The following SPTBN1 variants were observed in gnomAD, a reference collection of about 807,000 sequenced individuals.
SPTBN1 encodes spectrin beta chain, non-erythrocytic 1.
A neutral mutation model predicts 266.4 loss-of-function variants in SPTBN1; 32 were observed. The observed-to-expected ratio is 0.12, with a 90% CI of 0.09 to 0.16. The LOEUF (loss-of-function observed/expected upper bound fraction) is 0.16, where lower values mean the gene tolerates loss of function less well. Ranked by LOEUF, SPTBN1 falls within the 10% of genes least tolerant of loss-of-function variation. The pLI is 1.00. For synonymous variants in SPTBN1, 1,336 were observed against 1,162.2 expected, an observed-to-expected ratio of 1.15 and a Z score of -3.04; for missense variants, 2,296 against 3,067.1, an observed-to-expected ratio of 0.75 and a Z score of 5.94.
intron 1 of SPTBN1, among the ~76,000 whole-genome samples, chr2:54,467,700 G>C (rs906781959): frequency 6.6e-6 from 1 of 151,938 alleles, no homozygotes. Flanking sequence ...TGTTTTTATA[G>C]TGATTACAAT....
chr2:54,587,725 G>T (rs907046214), intron 2 of SPTBN1, among the ~76,000 whole-genome samples: 2 of 152,154 alleles, frequency 1.3e-5, no homozygotes, highest in African/African-American at 2.4e-5. Context: ...TTGAAGGTGA[G>T]GGTGCAGCCT....
chr2:54,633,829 C>T (rs1040935374), intron 17 of SPTBN1, among the ~76,000 whole-genome samples: 2 of 152,158 alleles, frequency 1.3e-5, no homozygotes, highest in Admixed American at 6.5e-5. Flanking sequence ...TACTCTGTTT[C>T]CAATAAAGAT....
At chr2:54,508,328 TGACTCGA>T (rs1364568103) in intron 1 of SPTBN1, among the ~76,000 whole-genome samples, 1 of 152,178 alleles carries the variant, frequency 6.6e-6, no homozygotes, top group Non-Finnish European at 1.5e-5. Context: ...TTTAGTTTCC[TGACTCGA>T]GGCATGTGAG....
chr2:54,479,248 A>C (rs776336623), intron 1 of SPTBN1, among the ~76,000 whole-genome samples: 2 of 152,248 alleles, frequency 1.3e-5, no homozygotes, highest in Non-Finnish European at 2.9e-5. Flanking sequence ...AAGTATAGTT[A>C]TAGAAAACAT....
chr2:54,596,664 C>T (rs779896749), intron 2 of SPTBN1, among the ~76,000 whole-genome samples: 11 of 152,204 alleles, frequency 7.2e-5, no homozygotes, highest in Admixed American at 1.3e-4. Flanking sequence ...AGGGCAGGAA[C>T]ACAAGAGCTT....
At chr2:54,657,136 C>T (rs564527389) in intron 29 of SPTBN1, among the ~76,000 whole-genome samples, 1 of 152,208 alleles carries the variant, frequency 6.6e-6, no homozygotes, top group East Asian at 1.9e-4. Flanking sequence ...TCTAACCTAC[C>T]TTCTCATAAC....
At chr2:54,590,546 A>G (rs6545432) in intron 2 of SPTBN1, among the ~76,000 whole-genome samples, 66,943 of 152,090 alleles carry the variant, frequency 0.44, 16,109 homozygotes, top group Non-Finnish European at 0.51. Context: ...GTATAATAAA[A>G]GATGAGAGAC....
chr2:54,577,439 A>G (rs1674567696), intron 2 of SPTBN1, among the ~76,000 whole-genome samples: 1 of 152,210 alleles, frequency 6.6e-6, no homozygotes, highest in South Asian at 2.1e-4. Context: ...CAAGCTACAA[A>G]GGAGAGGGAA....
At chr2:54,510,112 C>G (rs115427158) in intron 1 of SPTBN1, among the ~76,000 whole-genome samples, 3,085 of 152,156 alleles carry the variant, frequency 0.02, 115 homozygotes, top group African/African-American at 0.068. Flanking sequence ...GCACCCACCT[C>G]TGCGCCCGGC....
chr2:54,492,973 A>G (rs1668769988), intron 1 of SPTBN1, among the ~76,000 whole-genome samples: 2 of 151,538 alleles, frequency 1.3e-5, no homozygotes, highest in South Asian at 4.2e-4. Flanking sequence ...ATCCTTTTTT[A>G]AAGTTTAGAT....
At chr2:54,462,663 T>C (rs1693424373) in intron 1 of SPTBN1, among the ~76,000 whole-genome samples, 1 of 152,236 alleles carries the variant, frequency 6.6e-6, no homozygotes, top group African/African-American at 2.4e-5. Context: ...TATACTCTAG[T>C]ATATGGAATA....
chr2:54,547,695 A>G (rs1672327991), intron 2 of SPTBN1, among the ~76,000 whole-genome samples: 1 of 152,210 alleles, frequency 6.6e-6, no homozygotes, highest in Admixed American at 6.5e-5. Flanking sequence ...TTTTCTTGGT[A>G]GATGGTAATT....
chr2:54,498,476 C>T (rs62140273), intron 1 of SPTBN1, among the ~76,000 whole-genome samples: 3,348 of 152,170 alleles, frequency 0.022, 52 homozygotes, highest in Non-Finnish European at 0.033. Context: ...ATTCCCTGAG[C>T]GCTTTATGCC....
At chr2:54,644,263 A>G (rs1679777377) in intron 19 of SPTBN1, 60 bp from the exon 20 acceptor site, 3 of 1,563,096 alleles carry the variant, frequency 1.9e-6, no homozygotes, top group African/African-American at 1.4e-5. Flanking sequence ...TGTTTTTCAC[A>G]GTGACATTTT....
chr2:54,462,752 G>A (rs527972452), intron 1 of SPTBN1, among the ~76,000 whole-genome samples: 7 of 152,236 alleles, frequency 4.6e-5, no homozygotes, highest in South Asian at 2.1e-4. Context: ...TTAACCCTCC[G>A]GTCTCAGATC....
intron 3 of SPTBN1, among the ~76,000 whole-genome samples, chr2:54,604,418 C>T (rs541960261): frequency 6.6e-6 from 1 of 152,006 alleles, no homozygotes; most frequent in Non-Finnish European, 1.5e-5. Context: ...GTTGTAATTA[C>T]TCCATAGTTC....
rs1209132160 is a variant in SPTBN1, at chr2:54,576,074, A to ATTTTTTTTTTTTTT, written c.149-23018_149-23017insTTTTTTTTTTTTTT. Among the ~76,000 whole-genome samples, 351 of 93,838 alleles carry ATTTTTTTTTTTTTT rather than the reference A, an allele frequency of 3.7e-3. 68 individuals are homozygous for ATTTTTTTTTTTTTT. The highest frequency in any genetic ancestry group is 0.012 in the African/African-American group (287 of 24,754). 61.6% of individuals were successfully genotyped at this position (93,838 alleles called of 152,430 possible). ...ATCCAGCTTTTTTTTTTTTTTTTTG[A>ATTTTTTTTTTTTTT]GAGACAGTCTGGCTGTGTCTCCCAG... is the stretch of plus-strand genomic sequence containing the variant. On this transcript the variant is annotated intron_variant, in intron 2 of 35. Transcript: ENST00000356805.
At chr2:54,457,153 G>GCCCCA (rs1553425453) in intron 1 of SPTBN1, 8 of 49,690 alleles carry the variant, frequency 1.6e-4, no homozygotes, top group African/African-American at 7.5e-4. Flanking sequence ...TCGTGCGCCC[G>GCCCCA]CCCCCCCCCC....
chr2:54,504,657 T>G (rs1203494939), intron 1 of SPTBN1, among the ~76,000 whole-genome samples: 1 of 152,236 alleles, frequency 6.6e-6, no homozygotes, highest in Non-Finnish European at 1.5e-5. Context: ...TACACCATTT[T>G]ATATAAGGGA....
Sources: allele counts gnomAD v4.1 joint callset (sites outside exome capture counted in the v4.1 genomes callset), GRCh38; gene constraint gnomAD v4.1.1; transcripts MANE v1.5; gene names NCBI Gene and HGNC (gene_info 2026-07-23, HGNC 2026-07-21).